Variants in LSAMP observed in about 807,000 individuals in gnomAD.
The protein encoded by LSAMP is limbic system associated membrane protein.
Under a neutral mutation model 38.6 loss-of-function variants are expected in LSAMP, and 7 were observed. The observed-to-expected ratio is 0.18, with a 90% confidence interval of 0.10 to 0.34. The LOEUF is 0.34. LSAMP is among the 10% of genes least tolerant of loss of function. LSAMP has a pLI of 1.00. For missense variants in LSAMP, 313 were observed against 420.0 expected, an observed-to-expected ratio of 0.75 and a Z score of 2.23; for synonymous variants, 154 against 166.8, an observed-to-expected ratio of 0.92 and a Z score of 0.59.
chr3:115,828,279 T>C (rs1934491024), intron 6 of LSAMP, among the ~76,000 whole-genome samples: 1 of 152,194 alleles, frequency 6.6e-6, no homozygotes, highest in Non-Finnish European at 1.5e-5. Flanking sequence ...CATAAGACAT[T>C]TGTCAGGGGC....
At chr3:116,319,287 C>A (rs1328845852) in intron 1 of LSAMP, among the ~76,000 whole-genome samples, 1 of 152,114 alleles carries the variant, frequency 6.6e-6, no homozygotes, top group East Asian at 1.9e-4. Context: ...TACATATTCC[C>A]AGTTGAAAGC....
chr3:115,868,024 T>C (rs1411866190), intron 3 of LSAMP, among the ~76,000 whole-genome samples: 4 of 152,144 alleles, frequency 2.6e-5, no homozygotes, highest in South Asian at 2.1e-4. Context: ...GTTTACTTGT[T>C]TCTAACCAAT....
At chr3:116,237,053 T>G (rs1343153861) in intron 1 of LSAMP, among the ~76,000 whole-genome samples, 1 of 151,940 alleles carries the variant, frequency 6.6e-6, no homozygotes, top group Non-Finnish European at 1.5e-5. Flanking sequence ...TAAGGTAAAA[T>G]TGAAGACACT....
intron 4 of LSAMP, among the ~76,000 whole-genome samples, chr3:115,847,489 T>C (rs937539281): frequency 1.3e-5 from 2 of 152,160 alleles, no homozygotes; most frequent in South Asian, 2.1e-4. Flanking sequence ...TCCAATTTGG[T>C]TGGTGATATG....
chr3:116,417,168 A>G (rs1211521407), intron 1 of LSAMP, among the ~76,000 whole-genome samples: 4 of 152,186 alleles, frequency 2.6e-5, no homozygotes, highest in Non-Finnish European at 5.9e-5. Flanking sequence ...GTATCAACCA[A>G]AAATTCAGAG....
intron 3 of LSAMP, among the ~76,000 whole-genome samples, chr3:115,885,581 A>G (rs1936431282): frequency 7.5e-6 from 1 of 132,584 alleles, no homozygotes; most frequent in South Asian, 2.7e-4. Context: ...GACTGGATTC[A>G]TGCTGTCATC....
chr3:115,932,962 G>A (rs1163762479), intron 3 of LSAMP, among the ~76,000 whole-genome samples: 1 of 152,180 alleles, frequency 6.6e-6, no homozygotes, highest in African/African-American at 2.4e-5. Flanking sequence ...TTGGGTGTTA[G>A]AGGAGGGAAG....
intron 1 of LSAMP, among the ~76,000 whole-genome samples, chr3:116,145,166 G>A (rs1709463207): frequency 6.6e-6 from 1 of 151,734 alleles, no homozygotes; most frequent in African/African-American, 2.4e-5. Flanking sequence ...TGAATCTTAA[G>A]ACCTTCTTGT....
At chr3:115,928,973 G>GTTTTTTTTTGTTTTTT (rs1937533533) in intron 3 of LSAMP, among the ~76,000 whole-genome samples, 1 of 109,928 alleles carries the variant, frequency 9.1e-6, no homozygotes, top group Non-Finnish European at 1.8e-5. Flanking sequence ...TTTTTTGTTT[G>GTTTTTTTTTGTTTTTT]TTTTTTTTTT....
intron 2 of LSAMP, among the ~76,000 whole-genome samples, chr3:116,049,708 T>C (rs1941357134): frequency 6.6e-6 from 1 of 152,214 alleles, no homozygotes; most frequent in Non-Finnish European, 1.5e-5. Flanking sequence ...TTTATAAGAA[T>C]CTATTTATAA....
chr3:116,435,696 T>C (rs1482716916), intron 1 of LSAMP, among the ~76,000 whole-genome samples: 1 of 152,154 alleles, frequency 6.6e-6, no homozygotes, highest in East Asian at 1.9e-4. Flanking sequence ...AGGTAAATTT[T>C]GTATCTATTG....
chr3:116,226,941 A>AT (rs921455915), intron 1 of LSAMP, among the ~76,000 whole-genome samples: 39 of 151,882 alleles, frequency 2.6e-4, no homozygotes, highest in African/African-American at 8.5e-4. Context: ...AAAGCTGGGA[A>AT]TTTTTTTTCA....
At chr3:115,863,509 T>G (rs1009597072) in intron 3 of LSAMP, among the ~76,000 whole-genome samples, 4 of 148,860 alleles carry the variant, frequency 2.7e-5, no homozygotes, top group African/African-American at 1.0e-4. Context: ...TTCTAAACAA[T>G]GGGATTCAAA....
At chr3:116,343,178 AC>A (rs1413579674) in intron 1 of LSAMP, among the ~76,000 whole-genome samples, 1 of 152,140 alleles carries the variant, frequency 6.6e-6, no homozygotes, top group Non-Finnish European at 1.5e-5. Context: ...AAATTTCTGC[AC>A]CTACTTGTGA....
chr3:115,861,506 G>T (rs1935700649), intron 3 of LSAMP, among the ~76,000 whole-genome samples: 1 of 130,878 alleles, frequency 7.6e-6, no homozygotes. Flanking sequence ...GAGAGAGAGT[G>T]GCACTGTCCC....
intron 6 of LSAMP, among the ~76,000 whole-genome samples, chr3:115,840,509 ATGT>A (rs1388970486): frequency 6.6e-6 from 1 of 152,246 alleles, no homozygotes; most frequent in East Asian, 1.9e-4. Flanking sequence ...ACAAGTAAAC[ATGT>A]TGTGAATTTT....
At chr3:116,117,065 A>T (rs1194896598) in intron 1 of LSAMP, among the ~76,000 whole-genome samples, 1 of 152,256 alleles carries the variant, frequency 6.6e-6, no homozygotes, top group African/African-American at 2.4e-5. Flanking sequence ...GTCTTAAGCC[A>T]CTAAGATTTG....
At chr3:116,253,856 G>A (rs1257530136) in intron 1 of LSAMP, among the ~76,000 whole-genome samples, 4 of 152,148 alleles carry the variant, frequency 2.6e-5, no homozygotes, top group Non-Finnish European at 5.9e-5. Flanking sequence ...TATTCAAAGG[G>A]GCCATGCAAG....
At chr3:115,853,496 C>A (rs1935398255) in intron 3 of LSAMP, among the ~76,000 whole-genome samples, 1 of 152,130 alleles carries the variant, frequency 6.6e-6, no homozygotes, top group Non-Finnish European at 1.5e-5. Flanking sequence ...GTAAAGAAAT[C>A]TCAACTTAAG....
Sources: gnomAD v4.1 joint callset for allele counts (sites outside exome capture counted in the v4.1 genomes callset) on GRCh38, gnomAD v4.1.1 for gene constraint, MANE v1.5 for transcripts, NCBI Gene and HGNC (gene_info 2026-07-23, HGNC 2026-07-21) for gene names.